GLCCI1: variants seen among roughly 807,000 people sequenced by gnomAD.
The protein encoded by GLCCI1 is glucocorticoid induced 1.
A neutral mutation model predicts 52.2 loss-of-function variants in GLCCI1; 24 were observed. The ratio of observed to expected loss-of-function variants is 0.46; its 90% confidence interval spans 0.33 to 0.65. The LOEUF is 0.65. Ranked by LOEUF, GLCCI1 falls within the 30% of genes least tolerant of loss-of-function variation. The pLI is 0.02. For missense variants in GLCCI1, 704 were observed against 701.5 expected (o/e 1.00, Z -0.04); for synonymous variants, 310 against 276.5 (o/e 1.12, Z -1.20).
At chr7:8,031,561 G>A (rs890607058) in intron 3 of GLCCI1, among the ~76,000 whole-genome samples, 1 of 152,064 alleles carries the variant, frequency 6.6e-6, no homozygotes, top group Admixed American at 6.5e-5. Flanking sequence ...TGGGTTGTTA[G>A]TAACATAAAG....
intron 1 of GLCCI1, among the ~76,000 whole-genome samples, chr7:7,970,289 G>A (rs1271265426): frequency 6.6e-6 from 1 of 152,090 alleles, no homozygotes; most frequent in Non-Finnish European, 1.5e-5. Flanking sequence ...TAAGGATATC[G>A]GCTGGATGTA....
intron 1 of GLCCI1, among the ~76,000 whole-genome samples, chr7:7,994,655 A>G (rs1309182946): frequency 6.6e-6 from 1 of 152,208 alleles, no homozygotes; most frequent in African/African-American, 2.4e-5. Context: ...CAGAGTGGCA[A>G]TTAAATTCCA....
In GLCCI1 at chr7:8,078,072, A is replaced by C. The variant is rs546239991; in HGVS notation, c.1178-6825A>C. ...ACACGGTGAAACCCCGTCTCTACTA[A>C]AAATACAAAAAATGAGCCGGGCGTG... On this transcript the variant is annotated intron_variant, in intron 6 of 7. Coordinates refer to ENST00000223145, the MANE Select transcript of GLCCI1 (RefSeq NM_138426.4). 1.1e-3 allele frequency among the ~76,000 whole-genome samples: 162 copies of C among 152,170 alleles called. 2 individuals carry two copies. The South Asian group carries it at 0.027, about 26-fold the overall frequency.
At chr7:8,076,595 A>G (rs1269448265) in intron 6 of GLCCI1, among the ~76,000 whole-genome samples, 3 of 152,232 alleles carry the variant, frequency 2.0e-5, no homozygotes, top group African/African-American at 7.2e-5. Flanking sequence ...TGTGATAGCT[A>G]TGAGTTATTA....
At chr7:8,016,622 A>G (rs1562429221) in intron 2 of GLCCI1, among the ~76,000 whole-genome samples, 2 of 152,200 alleles carry the variant, frequency 1.3e-5, no homozygotes, top group Admixed American at 6.5e-5. Context: ...GGGAGATACC[A>G]TATTGTTAGG....
At position 8,082,806 on chromosome 7, in the gene GLCCI1, C is replaced by T. The variant is rs146043740; in HGVS notation, c.1178-2091C>T. Among the ~76,000 whole-genome samples the T allele has an allele frequency of 5.6e-4, 85 of 152,250 alleles. 1 individual carries two copies. The highest frequency in any genetic ancestry group is 9.6e-4 in the Non-Finnish European group (65 of 68,016). On this transcript the variant is annotated intron_variant, in intron 6 of 7. Coordinates refer to ENST00000223145, the MANE Select transcript of GLCCI1 (RefSeq NM_138426.4). Reference sequence around the variant, plus strand: ...TCTAGATTGTTAACAGGAAGATAATCAGTTTTGCAGATAGATTAGCCAACT... The same window carrying T: ...TCTAGATTGTTAACAGGAAGATAATTAGTTTTGCAGATAGATTAGCCAACT...
At chr7:8,030,849 C>T (rs1407635388) in intron 3 of GLCCI1, among the ~76,000 whole-genome samples, 38 of 152,100 alleles carry the variant, frequency 2.5e-4, no homozygotes, top group Non-Finnish European at 1.5e-5. Context: ...CATCTCACCC[C>T]AGTTAAGATG....
intron 3 of GLCCI1, among the ~76,000 whole-genome samples, chr7:8,035,459 C>CA (rs1781846783): frequency 6.6e-6 from 1 of 152,176 alleles, no homozygotes; most frequent in Admixed American, 6.5e-5. Flanking sequence ...ACAAGACAGC[C>CA]ATTCTAGGGC....
chr7:7,976,479 C>CAAAAAAAAAAAAAAAAAAAAAAAAAAAA (rs35255634), intron 1 of GLCCI1, among the ~76,000 whole-genome samples: 2 of 24,680 alleles, frequency 8.1e-5, no homozygotes, highest in African/African-American at 4.0e-4. Flanking sequence ...AACTCCATCT[C>CAAAAAAAAAAAAAAAAAAAAAAAAAAAA]AAAAAAAAAA....
intron 2 of GLCCI1, among the ~76,000 whole-genome samples, chr7:8,012,775 C>G (rs1781296667): frequency 6.6e-6 from 1 of 152,058 alleles, no homozygotes; most frequent in Non-Finnish European, 1.5e-5. Context: ...TGATAGTGTA[C>G]TAGTTTTTAA....
chr7:7,989,376 A>G (rs1006844894), intron 1 of GLCCI1, among the ~76,000 whole-genome samples: 7 of 152,106 alleles, frequency 4.6e-5, no homozygotes, highest in African/African-American at 1.7e-4. Flanking sequence ...CACTCCATCA[A>G]CCTGTTCTAT....
intron 1 of GLCCI1, among the ~76,000 whole-genome samples, chr7:7,994,551 T>A (rs1780902860): frequency 6.6e-6 from 1 of 152,186 alleles, no homozygotes; most frequent in African/African-American, 2.4e-5. Context: ...CTAGCTCTAA[T>A]AACAACCTGC....
rs541172429 is a variant in GLCCI1 at position 8,012,736 on chromosome 7, C to T, written c.609+8677C>T. Among the ~76,000 whole-genome samples the T allele has an allele frequency of 2.9e-4, 44 of 152,202 alleles. No individual in the cohort carries two copies. The South Asian group carries it at 5.8e-3, about 20-fold the overall frequency. ...CTGGGATTACAGGCGTGAGCCACCA[C>T]GCCTGGCCAGGTTGCCTTTTTATTC... On this transcript the variant is annotated intron_variant, in intron 2 of 7. Transcript: ENST00000223145.
intron 1 of GLCCI1, among the ~76,000 whole-genome samples, chr7:7,984,115 C>T (rs1220603021): frequency 6.6e-6 from 1 of 152,156 alleles, no homozygotes; most frequent in African/African-American, 2.4e-5. Flanking sequence ...AGGCTGATTG[C>T]AGTGGCGCAA....
In GLCCI1 at chr7:8,086,711, T is replaced by C. The variant is rs1186697552; in HGVS notation, c.*173T>C. ...GGGACGGAACTCCTATTCAGCAGTT[T>C]TTGTGGAAAGCAGTAATGCTTGCAA... On this transcript the variant is annotated 3_prime_UTR_variant, in exon 8 of 8. Transcript: ENST00000223145. This position sits in a 1 kb window ranked among gnomAD's most constrained non-coding sequence, Gnocchi z 4.4. 1 of 607,166 alleles carries C rather than the reference T, an allele frequency of 1.6e-6. No homozygotes were observed. Among genetic ancestry groups the C allele is most frequent in the Admixed American group, 3.3e-5 (1 of 30,294 alleles). The allele number at this position is 607,166 out of a possible 1,614,324, so 37.6% of individuals were successfully genotyped here.
At chr7:8,031,499 C>G (rs1235151912) in intron 3 of GLCCI1, among the ~76,000 whole-genome samples, 2 of 151,842 alleles carry the variant, frequency 1.3e-5, no homozygotes, top group African/African-American at 2.4e-5. Flanking sequence ...AACAGTGGGA[C>G]TATAGTCAGT....
At chr7:8,061,533 C>T (rs1046370814) in intron 5 of GLCCI1, among the ~76,000 whole-genome samples, 18 of 152,040 alleles carry the variant, frequency 1.2e-4, no homozygotes, top group African/African-American at 4.1e-4. Flanking sequence ...GCCAGAATTA[C>T]CCTCCCAAAA....
At chr7:8,021,776 T>G (rs1253561145) in intron 2 of GLCCI1, among the ~76,000 whole-genome samples, 1 of 152,238 alleles carries the variant, frequency 6.6e-6, no homozygotes, top group Non-Finnish European at 1.5e-5. Flanking sequence ...TTTAGTGATT[T>G]GTGTTACATT....
At chr7:7,988,337 T>C (rs976279995) in intron 1 of GLCCI1, among the ~76,000 whole-genome samples, 1 of 152,216 alleles carries the variant, frequency 6.6e-6, no homozygotes, top group Non-Finnish European at 1.5e-5. Context: ...TATTAGTAGA[T>C]ACTTAGTATC....
Sources: allele counts gnomAD v4.1 joint callset (sites outside exome capture counted in the v4.1 genomes callset), GRCh38; gene constraint gnomAD v4.1.1; non-coding constraint Gnocchi (gnomAD v3.1); transcripts MANE v1.5; gene names NCBI Gene and HGNC (gene_info 2026-07-23, HGNC 2026-07-21).